The following KCNN1 variants were observed in gnomAD, a reference collection of about 807,000 sequenced individuals.
KCNN1 encodes the protein potassium calcium-activated channel subfamily N member 1.
A neutral mutation model predicts 44.7 loss-of-function variants in KCNN1; 20 were observed. That is an observed-to-expected ratio of 0.45 (90% confidence interval 0.32 to 0.65). KCNN1 has a LOEUF of 0.65. KCNN1 is among the 30% of genes least tolerant of loss of function. The pLI is 0.05. For missense variants in KCNN1, 632 were observed against 785.3 expected (o/e 0.80, Z 2.33); for synonymous variants, 324 against 341.7 (o/e 0.95, Z 0.57).
At chr19:17,979,849 T>TAA (rs1174330901) in intron 3 of KCNN1, among the ~76,000 whole-genome samples, 14 of 151,494 alleles carry the variant, frequency 9.2e-5, no homozygotes, top group African/African-American at 3.4e-4. Context: ...ATTTTTAAAA[T>TAA]GACACGTGAA....
chr19:17,978,886 C>A (rs1269529790), intron 3 of KCNN1, among the ~76,000 whole-genome samples: 2 of 144,134 alleles, frequency 1.4e-5, no homozygotes, highest in African/African-American at 5.1e-5. Context: ...GAAACACCGT[C>A]TCTACACAAA....
At chr19:17,989,944 G>A (rs1357996669) in intron 7 of KCNN1, 101 bp downstream of exon 7, 9 of 1,570,054 alleles carry the variant, frequency 5.7e-6, no homozygotes, top group Non-Finnish European at 7.0e-6. Flanking sequence ...TGCCAGGGAC[G>A]GGTGGTCAGT....
intron 2 of KCNN1, among the ~76,000 whole-genome samples, chr19:17,961,631 G>T (rs2031683656): frequency 6.8e-6 from 1 of 147,842 alleles, no homozygotes; most frequent in Admixed American, 7.0e-5. Flanking sequence ...GCCCAGGCTG[G>T]AGTGCAATGG....
intron 2 of KCNN1, among the ~76,000 whole-genome samples, chr19:17,958,946 C>T (rs575516709): frequency 1.3e-4 from 19 of 150,684 alleles, no homozygotes; most frequent in Non-Finnish European, 1.8e-4. Flanking sequence ...GTGATCCACC[C>T]GCCTCGGCCT....
intron 3 of KCNN1, among the ~76,000 whole-genome samples, chr19:17,981,086 A>T (rs1051094613): frequency 2.0e-5 from 3 of 148,712 alleles, no homozygotes; most frequent in Non-Finnish European, 4.5e-5. Flanking sequence ...GCATGGTGGC[A>T]GGCACCTGTA....
intron 1 of KCNN1, 73 bp downstream of exon 1, chr19:17,967,390 C>A: frequency 1.2e-6 from 1 of 845,120 alleles, no homozygotes; most frequent in Non-Finnish European, 1.4e-6. Context: ...GAGGGAGGCA[C>A]GTCTCGGAGG....
intron 3 of KCNN1, among the ~76,000 whole-genome samples, chr19:17,975,687 C>T (rs2032183631): frequency 1.3e-5 from 2 of 151,804 alleles, no homozygotes; most frequent in Admixed American, 6.6e-5. Context: ...TCCCAAAGTG[C>T]TAGGATTACA....
chr19:17,986,439 C>T (rs1167399604), intron 5 of KCNN1, among the ~76,000 whole-genome samples: 1 of 151,912 alleles, frequency 6.6e-6, no homozygotes, highest in Non-Finnish European at 1.5e-5. Flanking sequence ...AGCTGACTTT[C>T]GGGGTGTTCC....
intron 3 of KCNN1, among the ~76,000 whole-genome samples, chr19:17,975,452 C>T (rs936628430): frequency 6.6e-6 from 1 of 152,108 alleles, no homozygotes; most frequent in Admixed American, 6.6e-5. Context: ...CTGGGACACA[C>T]GGGTTGTTTC....
rs758827947 is a variant in KCNN1 at position 17,973,989 on chromosome 19, C to G, written c.101C>G (p.Pro34Arg). The change falls in exon 2 of 10, where the codon CCA becomes CGA. Residue 34 changes from proline to arginine, a missense_variant. Pro to Arg is a moderately radical substitution (Grantham distance 103, BLOSUM62 -2). This residue lies in a region of KCNN1 where 235 missense variants were observed against 224.0 expected (regional missense o/e 1.05). Transcript: ENST00000684775. ...DPPDPEAGHP[P>R]QPPHSPGLQV... ...CCGGACCCTGAGGCCGGCCACCCCC[C>G]ACAACCCCCGCACAGCCCGGGCCTC... 4 of 1,580,434 alleles carry G rather than the reference C, an allele frequency of 2.5e-6. No individual in the cohort carries two copies. In the South Asian group the frequency reaches 3.4e-5, roughly 13 times the overall value.
chr19:17,970,425 C>T (rs1463492448), intron 1 of KCNN1, among the ~76,000 whole-genome samples: 2 of 143,362 alleles, frequency 1.4e-5, no homozygotes, highest in South Asian at 4.5e-4. Context: ...TCAAGTGATT[C>T]TTGTGCCTCA....
intron 7 of KCNN1, among the ~76,000 whole-genome samples, chr19:17,992,117 T>G (rs1331960746): frequency 6.6e-6 from 1 of 152,164 alleles, no homozygotes; most frequent in Non-Finnish European, 1.5e-5. Flanking sequence ...GGTCAGGAGT[T>G]CAAGACCAGC....
At chr19:17,963,083 C>T (rs181641249), upstream of KCNN1, among the ~76,000 whole-genome samples, 1,299 of 147,384 alleles carry the variant, frequency 8.8e-3, 22 homozygotes, top group African/African-American at 0.031. Flanking sequence ...TCTCGGTTCA[C>T]TGCAAGCTCC....
intron 1 of KCNN1, among the ~76,000 whole-genome samples, chr19:17,971,234 C>A (rs2032011858): frequency 1.3e-5 from 2 of 152,118 alleles, no homozygotes; most frequent in South Asian, 4.1e-4. Flanking sequence ...TAGTCTGTCA[C>A]CCCCAGTGGG....
chr19:17,980,905 C>CA (rs1279810264), intron 3 of KCNN1, among the ~76,000 whole-genome samples: 1 of 151,406 alleles, frequency 6.6e-6, no homozygotes, highest in East Asian at 1.9e-4. Flanking sequence ...ACCTTGTCTC[C>CA]AAAAAAAGGA....
intron 9 of KCNN1, among the ~76,000 whole-genome samples, chr19:17,997,651 T>C (rs1226918496): frequency 6.6e-6 from 1 of 152,176 alleles, no homozygotes; most frequent in Non-Finnish European, 1.5e-5. Flanking sequence ...GGCTAATTTT[T>C]GTATTTTTAG....
In KCNN1 at chr19:17,999,659, G is replaced by A; in HGVS notation, c.*1253G>A. 4.1e-6 allele frequency: 1 copy of A among 242,098 alleles called. No homozygotes were observed. 15.0% of individuals were successfully genotyped at this position (242,098 alleles called of 1,614,324 possible). On this transcript the variant is annotated 3_prime_UTR_variant, in exon 10 of 10. Coordinates refer to ENST00000684775, the MANE Select transcript of KCNN1 (RefSeq NM_001386974.1). ...AGTAGAATCAGAAAGGTCCCTGGAG[G>A]CCATGGGCTTGGGTGCTGGGAGCAA...
In KCNN1 at chr19:17,998,061, G is replaced by C; in HGVS notation, c.1378-91G>C. 7.1e-7 allele frequency: 1 copy of C among 1,400,232 alleles called. No homozygotes were observed. The highest frequency in any genetic ancestry group is 9.5e-7 in the Non-Finnish European group (1 of 1,056,180). 86.7% of individuals were successfully genotyped at this position (1,400,232 alleles called of 1,614,324 possible). ...GGCTGGCACCCACCTGGAGCGTGTG[G>C]GCTGTCCCTCTCTGTCATTGGTGTC... On this transcript the variant is annotated intron_variant, in intron 9 of 9. Coordinates refer to ENST00000684775, the MANE Select transcript of KCNN1 (RefSeq NM_001386974.1). This position sits in a 1 kb window ranked among gnomAD's most constrained non-coding sequence, Gnocchi z 5.4.
chr19:17,990,566 C>T (rs1393115414), intron 7 of KCNN1, among the ~76,000 whole-genome samples: 3 of 150,726 alleles, frequency 2.0e-5, no homozygotes, highest in African/African-American at 4.9e-5. Flanking sequence ...TTTGGGAGGC[C>T]GAGGTGGGTG....
Sources: allele counts gnomAD v4.1 joint callset (sites outside exome capture counted in the v4.1 genomes callset), GRCh38; gene constraint gnomAD v4.1.1; regional missense constraint gnomAD v4.1.1; non-coding constraint Gnocchi (gnomAD v3.1); transcripts MANE v1.5; gene names NCBI Gene and HGNC (gene_info 2026-07-23, HGNC 2026-07-21).